ROBO2: variants seen among roughly 807,000 people sequenced by gnomAD.
ROBO2 encodes the protein roundabout homolog 2.
A neutral mutation model predicts 160.8 loss-of-function variants in ROBO2; 53 were observed. That is an observed-to-expected ratio of 0.33 (90% confidence interval 0.26 to 0.41). The LOEUF (loss-of-function observed/expected upper bound fraction) is 0.41, where lower values mean the gene tolerates loss of function less well. Ranked by LOEUF, ROBO2 falls within the 10% of genes least tolerant of loss-of-function variation. The pLI is 1.00. For missense variants in ROBO2, 1,577 were observed against 1,722.4 expected, an observed-to-expected ratio of 0.92 and a Z score of 1.49; for synonymous variants, 664 against 611.7, an observed-to-expected ratio of 1.09 and a Z score of -1.26.
intron 2 of ROBO2, among the ~76,000 whole-genome samples, chr3:76,291,000 T>G (rs1375641640): frequency 1.3e-5 from 2 of 152,076 alleles, no homozygotes; most frequent in Non-Finnish European, 2.9e-5. Context: ...AGCCTGAAGT[T>G]TTCTTTGTTA....
chr3:77,360,733 T>C (rs2069843860), intron 2 of ROBO2, among the ~76,000 whole-genome samples: 1 of 152,090 alleles, frequency 6.6e-6, no homozygotes, highest in Non-Finnish European at 1.5e-5. Context: ...GTTTCAGGAT[T>C]CCTCTCCTCT....
At chr3:76,817,918 G>C (rs1347266724) in intron 2 of ROBO2, among the ~76,000 whole-genome samples, 1 of 150,414 alleles carries the variant, frequency 6.6e-6, no homozygotes, top group Non-Finnish European at 1.5e-5. Flanking sequence ...GACATTTCAG[G>C]TGGCTCCGTA....
chr3:77,061,915 A>G (rs957164266), intron 1 of ROBO2, among the ~76,000 whole-genome samples: 1 of 152,180 alleles, frequency 6.6e-6, no homozygotes, highest in East Asian at 1.9e-4. Context: ...GACCTGGTTG[A>G]TCTGACATCC....
chr3:77,065,816 T>C (rs910603936), intron 1 of ROBO2, among the ~76,000 whole-genome samples: 1 of 152,148 alleles, frequency 6.6e-6, no homozygotes, highest in African/African-American at 2.4e-5. Context: ...CTTACCACTC[T>C]GAGGTCAGAG....
intron 1 of ROBO2, among the ~76,000 whole-genome samples, chr3:77,085,792 G>T (rs2069221835): frequency 6.6e-6 from 1 of 151,986 alleles, no homozygotes; most frequent in South Asian, 2.1e-4. Flanking sequence ...TTTCATAAAG[G>T]TGTCATTTAG....
At chr3:76,155,873 G>A (rs2072387083) in intron 2 of ROBO2, among the ~76,000 whole-genome samples, 1 of 152,156 alleles carries the variant, frequency 6.6e-6, no homozygotes, top group Non-Finnish European at 1.5e-5. Context: ...AAACTTAATT[G>A]TAAGAGTACT....
At chr3:76,964,475 T>C (rs765848830) in intron 2 of ROBO2, among the ~76,000 whole-genome samples, 1 of 152,136 alleles carries the variant, frequency 6.6e-6, no homozygotes, top group Admixed American at 6.5e-5. Context: ...CCAGAGTAGC[T>C]GGGATTACAG....
intron 2 of ROBO2, among the ~76,000 whole-genome samples, chr3:77,401,095 C>G (rs2075757071): frequency 6.6e-6 from 1 of 152,004 alleles, no homozygotes; most frequent in Non-Finnish European, 1.5e-5. Context: ...GATACAAAAG[C>G]ATTGTAGAAA....
At chr3:76,561,323 C>T (rs1230941721) in intron 2 of ROBO2, among the ~76,000 whole-genome samples, 2 of 152,004 alleles carry the variant, frequency 1.3e-5, no homozygotes, top group Non-Finnish European at 2.9e-5. Flanking sequence ...CTCAGCTTGC[C>T]TTAGAAACAT....
intron 2 of ROBO2, among the ~76,000 whole-genome samples, chr3:76,632,041 T>C (rs1287112451): frequency 6.6e-6 from 1 of 152,244 alleles, no homozygotes; most frequent in African/African-American, 2.4e-5. Context: ...ATTCATTTAT[T>C]TGACACATCC....
At chr3:77,622,549 T>A in intron 23 of ROBO2, 117 bp downstream of exon 24, 1 of 879,036 alleles carries the variant, frequency 1.1e-6, no homozygotes, top group East Asian at 2.6e-5. Flanking sequence ...TGTAACATTT[T>A]AAATGTGTTA....
intron 2 of ROBO2, among the ~76,000 whole-genome samples, chr3:76,993,872 T>A (rs2060833825): frequency 6.6e-6 from 1 of 150,664 alleles, no homozygotes; most frequent in Non-Finnish European, 1.5e-5. Flanking sequence ...TTTTTTTAAC[T>A]TTAGCTTTTG....
At position 76,163,720 on chromosome 3, in the gene ROBO2, A is replaced by C. The variant is rs192413239; in HGVS notation, c.109+226118A>C. Among the ~76,000 whole-genome samples, 124 of 151,858 alleles carry C rather than the reference A, an allele frequency of 8.2e-4. No individual in the cohort carries two copies. The Middle Eastern group carries it at 0.01, about 12-fold the overall frequency. Reference sequence around the variant, plus strand: ...TACTACAGCCTAAGTGTGCAATAGCATTATGTGTAGAAATGCACATACCAT... The same window carrying C: ...TACTACAGCCTAAGTGTGCAATAGCCTTATGTGTAGAAATGCACATACCAT... On this transcript the variant is annotated intron_variant, in intron 2 of 26. Coordinates refer to the ROBO2 transcript ENST00000487694.
At chr3:76,142,424 G>A (rs4555527) in intron 2 of ROBO2, among the ~76,000 whole-genome samples, 149,495 of 152,078 alleles carry the variant, frequency 0.98, 73,548 homozygotes, top group South Asian at 1. Context: ...ATGACCATCA[G>A]TAGATGAATG....
chr3:76,824,287 C>T (rs1448033120), intron 2 of ROBO2, among the ~76,000 whole-genome samples: 2 of 152,124 alleles, frequency 1.3e-5, no homozygotes, highest in African/African-American at 2.4e-5. Flanking sequence ...CAGCCAGGCA[C>T]GGGCCTGGCT....
intron 14 of ROBO2, 87 bp from the exon 16 acceptor site, chr3:77,577,403 A>G: frequency 1.7e-5 from 27 of 1,574,996 alleles, no homozygotes; most frequent in Non-Finnish European, 2.4e-5. Context: ...GTCTCCTGCA[A>G]CTTGTCTTTA....
chr3:76,520,909 T>C (rs983560769), intron 2 of ROBO2, among the ~76,000 whole-genome samples: 1 of 152,166 alleles, frequency 6.6e-6, no homozygotes, highest in Non-Finnish European at 1.5e-5. Context: ...GTCTCTTAGA[T>C]AGAGTGAGTT....
rs375493687 is a variant in ROBO2 at position 76,655,726 on chromosome 3, AAGGG to A, written c.110-442272_110-442269del. 2.3e-3 allele frequency among the ~76,000 whole-genome samples: 329 copies of A among 143,082 alleles called. 1 individual carries two copies. The highest frequency in any genetic ancestry group is 7.4e-3 in the African/African-American group (294 of 39,586). The allele number at this position is 143,082 out of a possible 152,430, so 93.9% of individuals were successfully genotyped here. A position where few individuals can be genotyped will look rare whatever the true frequency, so the allele number is the denominator to read the frequency against. On this transcript the variant is annotated intron_variant, in intron 2 of 26. Coordinates refer to the ROBO2 transcript ENST00000487694. ...CAAGCAGGAAAGGGAGGAAGGGAGAAAGGGAGGGAGGGAGGGAGGAAAGAAGGAA... is the reference window on the plus strand; with the variant it reads ...CAAGCAGGAAAGGGAGGAAGGGAGAAAGGGAGGGAGGGAGGAAAGAAGGAA...
At chr3:76,595,453 C>T (rs1009176896) in intron 2 of ROBO2, among the ~76,000 whole-genome samples, 31 of 151,952 alleles carry the variant, frequency 2.0e-4, no homozygotes, top group African/African-American at 7.5e-4. Context: ...ATGATAGATT[C>T]CATTTCTAGA....
Sources: gnomAD v4.1 joint callset for allele counts (sites outside exome capture counted in the v4.1 genomes callset) on GRCh38, gnomAD v4.1.1 for gene constraint, MANE v1.5 for transcripts, NCBI Gene and HGNC (gene_info 2026-07-23, HGNC 2026-07-21) for gene names.